NEK6: variants seen among roughly 807,000 people sequenced by gnomAD.
NEK6 encodes the protein NIMA related kinase 6.
A neutral mutation model predicts 43.5 loss-of-function variants in NEK6; 27 were observed. The observed-to-expected ratio is 0.62, with a 90% CI of 0.46 to 0.86. The LOEUF is 0.86. NEK6 is among the 40% of genes least tolerant of loss of function. The pLI is 0.00. For missense variants in NEK6, 318 were observed against 414.4 expected, an observed-to-expected ratio of 0.77 and a Z score of 2.02; for synonymous variants, 167 against 164.1, an observed-to-expected ratio of 1.02 and a Z score of -0.14.
At chr9:124,264,631 C>T (rs1013207656) in intron 1 of NEK6, among the ~76,000 whole-genome samples, 2 of 151,986 alleles carry the variant, frequency 1.3e-5, no homozygotes, top group African/African-American at 4.8e-5. Context: ...ATGGCAAAAC[C>T]CCATCGCTAC....
chr9:124,280,879 A>G (rs1287266245), intron 1 of NEK6, among the ~76,000 whole-genome samples: 1 of 151,632 alleles, frequency 6.6e-6, no homozygotes, highest in African/African-American at 2.4e-5. Flanking sequence ...TGCAGCCTTG[A>G]CTTCCTGGGC....
chr9:124,340,700 A>G (rs553481758), intron 8 of NEK6, among the ~76,000 whole-genome samples: 4 of 152,318 alleles, frequency 2.6e-5, no homozygotes, highest in Admixed American at 2.0e-4. Flanking sequence ...GACACACTGA[A>G]AGAACTTCAG....
At chr9:124,261,899 C>T (rs1831045244) in intron 1 of NEK6, among the ~76,000 whole-genome samples, 1 of 152,066 alleles carries the variant, frequency 6.6e-6, no homozygotes, top group Non-Finnish European at 1.5e-5. Flanking sequence ...GGATTTTTCT[C>T]CCGTCTGGCC....
At chr9:124,263,136 T>C (rs1831099335) in intron 1 of NEK6, 4 of 152,392 alleles carry the variant, frequency 2.6e-5, no homozygotes, top group Admixed American at 2.6e-4. Flanking sequence ...TGCAAAAGGA[T>C]GGATGCACAT....
At chr9:124,288,294 T>C (rs1056445815) in intron 1 of NEK6, among the ~76,000 whole-genome samples, 2 of 151,844 alleles carry the variant, frequency 1.3e-5, no homozygotes, top group Admixed American at 6.6e-5. Flanking sequence ...TGAGACAGAG[T>C]CTCACTCCAT....
At chr9:124,342,887 C>G (rs1291473082) in intron 8 of NEK6, among the ~76,000 whole-genome samples, 2 of 152,224 alleles carry the variant, frequency 1.3e-5, no homozygotes, top group Non-Finnish European at 2.9e-5. Context: ...TGCCCACTTC[C>G]CTGGGGCTGG....
intron 5 of NEK6, among the ~76,000 whole-genome samples, chr9:124,325,897 G>A (rs1834307998): frequency 6.6e-6 from 1 of 152,198 alleles, no homozygotes; most frequent in African/African-American, 2.4e-5. Context: ...TGTGTCCTGG[G>A]TGCCACCCTC....
intron 1 of NEK6, among the ~76,000 whole-genome samples, chr9:124,301,148 A>G (rs750443664): frequency 1.3e-5 from 2 of 152,214 alleles, no homozygotes; most frequent in African/African-American, 4.8e-5. Flanking sequence ...TTCTATGCAC[A>G]TAACCTCAGA....
Position 124,326,330 on chromosome 9 carries a change from T to C in NEK6, c.406T>C (p.Tyr136His), listed in dbSNP as rs868482996. 2.5e-6 allele frequency: 4 copies of C among 1,605,690 alleles called. No individual in the cohort carries two copies. The highest frequency in any genetic ancestry group is 3.3e-4 in the Middle Eastern group (2 of 6,050). Residue 136 changes from tyrosine (Y) to histidine (H), a missense_variant and splice_region_variant, in exon 6 of 10, where the codon TAC (tyrosine) becomes CAC (histidine). This residue lies in a region of NEK6 where 239 missense variants were observed against 344.4 expected (regional missense o/e 0.69). Transcript: ENST00000320246. The surrounding 1 kb of genome is among the most constrained non-coding windows in gnomAD (Gnocchi z 4.5). Reference sequence around the variant, plus strand: ...CCTCTGCTTGTCTCCCCCACTGCAGTACTTTAAGAAGCAGAAGCGGCTCAT... The same window carrying C: ...CCTCTGCTTGTCTCCCCCACTGCAGCACTTTAAGAAGCAGAAGCGGCTCAT... Reference protein sequence around the residue: ...DAGDLSQMIKYFKKQKRLIPE... With the variant: ...DAGDLSQMIKHFKKQKRLIPE...
intron 5 of NEK6, among the ~76,000 whole-genome samples, chr9:124,322,718 G>T (rs1438147254): frequency 1.3e-5 from 2 of 152,206 alleles, no homozygotes; most frequent in Non-Finnish European, 2.9e-5. Flanking sequence ...AGTGAGGCTG[G>T]GCCCCGCTGG....
At chr9:124,305,068 A>G (rs1280571812) in intron 2 of NEK6, among the ~76,000 whole-genome samples, 3 of 152,208 alleles carry the variant, frequency 2.0e-5, no homozygotes, top group Non-Finnish European at 4.4e-5. Context: ...TCCATCTGGA[A>G]AGTCTTTGCA....
intron 6 of NEK6, among the ~76,000 whole-genome samples, 184 bp from the exon 7 acceptor site, chr9:124,327,154 A>T (rs1834379649): frequency 6.6e-6 from 1 of 152,092 alleles, no homozygotes; most frequent in Non-Finnish European, 1.5e-5. Flanking sequence ...CATTTTTCAT[A>T]TGAAGAAACT....
At chr9:124,340,876 G>A (rs868241061) in intron 8 of NEK6, among the ~76,000 whole-genome samples, 10 of 152,296 alleles carry the variant, frequency 6.6e-5, no homozygotes, top group Middle Eastern at 6.8e-3. Context: ...TGAACTTGAG[G>A]GCTACGCTGC....
At chr9:124,313,304 C>G (rs962658250) in intron 3 of NEK6, among the ~76,000 whole-genome samples, 1 of 151,962 alleles carries the variant, frequency 6.6e-6, no homozygotes, top group African/African-American at 2.4e-5. Flanking sequence ...AGAGAACACC[C>G]GCAGCTTCAG....
At chr9:124,258,674 G>A (rs1830905222) in intron 1 of NEK6, among the ~76,000 whole-genome samples, 1 of 152,242 alleles carries the variant, frequency 6.6e-6, no homozygotes, top group Non-Finnish European at 1.5e-5. Context: ...CCGAGCCAGG[G>A]AGCCCGTGGA....
At chr9:124,321,592 G>A (rs759321372) in intron 5 of NEK6, 23 bp downstream of exon 5, 2 of 1,455,988 alleles carry the variant, frequency 1.4e-6, no homozygotes, top group Non-Finnish European at 1.9e-6. Context: ...CGGGGTGGGG[G>A]TGCTGGGGGC....
intron 1 of NEK6, among the ~76,000 whole-genome samples, chr9:124,290,181 G>A (rs1832349797): frequency 6.6e-6 from 1 of 152,234 alleles, no homozygotes; most frequent in Non-Finnish European, 1.5e-5. Context: ...GATGATGCTG[G>A]GGGCTCACGG....
At chr9:124,314,039 C>T (rs775828621) in intron 4 of NEK6, 54 bp downstream of exon 4, 22 of 1,529,516 alleles carry the variant, frequency 1.4e-5, no homozygotes, top group Middle Eastern at 1.9e-4. Flanking sequence ...GTTCTGGGGC[C>T]GCGGCTGGGC....
intron 1 of NEK6, among the ~76,000 whole-genome samples, chr9:124,259,080 A>G (rs1588426690): frequency 6.6e-6 from 1 of 152,246 alleles, no homozygotes; most frequent in South Asian, 2.1e-4. Context: ...ATCCCAGGAC[A>G]GTAACAAATT....
Sources: allele counts gnomAD v4.1 joint callset (sites outside exome capture counted in the v4.1 genomes callset), GRCh38; gene constraint gnomAD v4.1.1; regional missense constraint gnomAD v4.1.1; non-coding constraint Gnocchi (gnomAD v3.1); transcripts MANE v1.5; gene names NCBI Gene and HGNC (gene_info 2026-07-23, HGNC 2026-07-21).